The following NTNG2 variants were observed in gnomAD, a reference collection of about 807,000 sequenced individuals.
NTNG2 encodes the protein netrin G2, also known as netrin-G2.
Under a neutral mutation model 47.6 loss-of-function variants are expected in NTNG2, and 15 were observed. That is an observed-to-expected ratio of 0.32 (90% CI 0.21 to 0.49). The LOEUF is 0.49. Ranked by LOEUF, NTNG2 falls within the 20% of genes least tolerant of loss-of-function variation. The pLI is 0.99. For synonymous variants in NTNG2, 307 were observed against 324.6 expected (o/e 0.95, Z 0.58); for missense variants, 578 against 764.6 (o/e 0.76, Z 2.88).
In NTNG2 at chr9:132,171,784, T is replaced by C. The variant is rs555012026; in HGVS notation, c.213+4740T>C. Among the ~76,000 whole-genome samples, 13 of 152,320 alleles carry C rather than the reference T, an allele frequency of 8.5e-5. No individual in the cohort carries two copies. The South Asian group carries it at 1.0e-3, about 12-fold the overall frequency. On this transcript the variant is annotated intron_variant, in intron 2 of 7. Transcript: ENST00000393229. Reference sequence around the variant, plus strand: ...AGACACTCTGCCTCCTGCCAGACCTTGAGGATCATGAAATGTTTCCATCCA... The same window carrying C: ...AGACACTCTGCCTCCTGCCAGACCTCGAGGATCATGAAATGTTTCCATCCA...
chr9:132,200,709 G>C (rs1380458897), intron 3 of NTNG2, among the ~76,000 whole-genome samples: 1 of 152,224 alleles, frequency 6.6e-6, no homozygotes, highest in Non-Finnish European at 1.5e-5. Context: ...GCTGGAGTCA[G>C]CTTCAAGTCT....
At chr9:132,186,395 A>G (rs1837387239) in intron 2 of NTNG2, among the ~76,000 whole-genome samples, 1 of 152,218 alleles carries the variant, frequency 6.6e-6, no homozygotes. Flanking sequence ...CTTTAAGAAA[A>G]CAATAATACA....
intron 3 of NTNG2, among the ~76,000 whole-genome samples, chr9:132,205,528 T>C (rs1040656250): frequency 3.9e-5 from 6 of 152,178 alleles, no homozygotes; most frequent in African/African-American, 1.4e-4. Flanking sequence ...TGGAGAGGGA[T>C]GGTAACGGTG....
chr9:132,207,073 G>A (rs1839221636), intron 3 of NTNG2, among the ~76,000 whole-genome samples: 1 of 152,268 alleles, frequency 6.6e-6, no homozygotes, highest in Non-Finnish European at 1.5e-5. Flanking sequence ...GTCACGCACA[G>A]CAACGCCTTC....
At chr9:132,230,683 G>T in intron 5 of NTNG2, 88 bp downstream of exon 5, 2 of 1,396,758 alleles carry the variant, frequency 1.4e-6, no homozygotes, top group Non-Finnish European at 2.0e-6. Context: ...GAAAAAAGGG[G>T]CTTCAGTGTC....
rs1839891185 is a variant in NTNG2 at position 132,215,331 on chromosome 9, A to G, written c.858-11518A>G. Among the ~76,000 whole-genome samples, 1 of 152,018 alleles carries G rather than the reference A, an allele frequency of 6.6e-6. No individual in the cohort carries two copies. Among genetic ancestry groups the G allele is most frequent in the African/African-American group, 2.4e-5 (1 of 41,392 alleles). On this transcript the variant is annotated intron_variant, in intron 3 of 7. Coordinates refer to ENST00000393229, the MANE Select transcript of NTNG2 (RefSeq NM_032536.4). This position sits in a 1 kb window ranked among gnomAD's most constrained non-coding sequence, Gnocchi z 4.2. ...CATGGTGGCTTATACCTGTAATCCCAGCATTTTGGGAGGCCGAGGTGGGCG... is the reference window on the plus strand; with the variant it reads ...CATGGTGGCTTATACCTGTAATCCCGGCATTTTGGGAGGCCGAGGTGGGCG...
chr9:132,164,018 A>ACTCCTCACTCTCTGCGCTC (rs1835304781), intron 1 of NTNG2, among the ~76,000 whole-genome samples: 1 of 150,398 alleles, frequency 6.6e-6, no homozygotes, highest in Non-Finnish European at 1.5e-5. Context: ...TTCCCTGCCG[A>ACTCCTCACTCTCTGCGCTC]CTCCTCACTC....
rs556583978 is a variant in NTNG2, at chr9:132,215,081, G to C, written c.858-11768G>C. On this transcript the variant is annotated intron_variant, in intron 3 of 7. Transcript: ENST00000393229. This position sits in a 1 kb window ranked among gnomAD's most constrained non-coding sequence, Gnocchi z 4.2. ...TTTTAATTTTTTTGTAGAGATTGGG[G>C]GGGGGGGTCTCACTTTCTTGCCCAG... Among the ~76,000 whole-genome samples the C allele has an allele frequency of 4.4e-4, 65 of 149,208 alleles. No individual in the cohort carries two copies. Among genetic ancestry groups the C allele is most frequent in the Admixed American group, 1.3e-3 (19 of 14,976 alleles).
Position 132,189,991 on chromosome 9 carries a change from T to C in NTNG2, c.214-7975T>C, listed in dbSNP as rs186887840. 1.9e-3 allele frequency among the ~76,000 whole-genome samples: 271 copies of C among 144,334 alleles called. 4 individuals carry two copies. Among genetic ancestry groups the C allele is most frequent in the African/African-American group, 6.6e-3 (265 of 40,084 alleles). 94.7% of individuals were successfully genotyped at this position (144,334 alleles called of 152,430 possible). A position where few individuals can be genotyped will look rare whatever the true frequency, so the allele number is the denominator to read the frequency against. ...GTTTTAGCCTGTAATCCCAGCACTT[T>C]GGGAGGCCGAGGCGGGCGGCTCATG... On this transcript the variant is annotated intron_variant, in intron 2 of 7. Coordinates refer to ENST00000393229, the MANE Select transcript of NTNG2 (RefSeq NM_032536.4).
At chr9:132,230,693 C>T (rs1415479491) in intron 5 of NTNG2, 98 bp downstream of exon 5, 1 of 1,304,994 alleles carries the variant, frequency 7.7e-7, no homozygotes, top group Non-Finnish European at 1.1e-6. Flanking sequence ...GCTTCAGTGT[C>T]CCCTCTGGGA....
chr9:132,219,143 G>A (rs1283141487), intron 3 of NTNG2, among the ~76,000 whole-genome samples: 2 of 151,792 alleles, frequency 1.3e-5, no homozygotes, highest in Non-Finnish European at 2.9e-5. Flanking sequence ...CTTGAACCCA[G>A]GAGGCAGACA....
rs968026352 is a variant in NTNG2 at position 132,217,213 on chromosome 9, C to T, written c.858-9636C>T. 9.2e-5 allele frequency among the ~76,000 whole-genome samples: 14 copies of T among 152,350 alleles called. No homozygotes were observed. In the South Asian group the frequency reaches 2.3e-3, roughly 25 times the overall value. Reference sequence around the variant, plus strand: ...TTTAATAATGCATGGCGTCTGTCCACGTAGGAGCACTCAGCAAATTATTTC... The same window carrying T: ...TTTAATAATGCATGGCGTCTGTCCATGTAGGAGCACTCAGCAAATTATTTC... On this transcript the variant is annotated intron_variant, in intron 3 of 7. Coordinates refer to ENST00000393229, the MANE Select transcript of NTNG2 (RefSeq NM_032536.4).
chr9:132,186,637 C>T (rs1837406048), intron 2 of NTNG2, among the ~76,000 whole-genome samples: 1 of 152,220 alleles, frequency 6.6e-6, no homozygotes, highest in Admixed American at 6.5e-5. Context: ...CAGCCCAATG[C>T]CCTCAGGTCC....
chr9:132,169,893 A>G (rs577055953), intron 2 of NTNG2, among the ~76,000 whole-genome samples: 6 of 152,058 alleles, frequency 3.9e-5, no homozygotes, highest in Non-Finnish European at 7.4e-5. Flanking sequence ...CACGCCTTGT[A>G]TTGCTAGTCT....
intron 3 of NTNG2, among the ~76,000 whole-genome samples, chr9:132,203,781 C>G (rs1163212827): frequency 6.6e-6 from 1 of 152,190 alleles, no homozygotes; most frequent in Non-Finnish European, 1.5e-5. Context: ...ACAGCCCAGC[C>G]AGCTCTGCCC....
intron 3 of NTNG2, among the ~76,000 whole-genome samples, chr9:132,217,446 G>T (rs1289979201): frequency 6.6e-6 from 1 of 152,172 alleles, no homozygotes; most frequent in Admixed American, 6.5e-5. Flanking sequence ...CCCACTGCCT[G>T]CCCACTTCCT....
At chr9:132,184,472 G>T (rs542004100) in intron 2 of NTNG2, among the ~76,000 whole-genome samples, 1 of 152,338 alleles carries the variant, frequency 6.6e-6, no homozygotes, top group Admixed American at 6.5e-5. Context: ...CCTTGGGACT[G>T]GGGGGCAGTG....
chr9:132,197,568 G>A lies in NTNG2; in HGVS notation c.214-398G>A, dbSNP rs905632165. Among the ~76,000 whole-genome samples, 2 of 152,100 alleles carry A rather than the reference G, an allele frequency of 1.3e-5. No individual in the cohort carries two copies. The highest frequency in any genetic ancestry group is 4.8e-5 in the African/African-American group (2 of 41,386). On this transcript the variant is annotated intron_variant, in intron 2 of 7. Coordinates refer to ENST00000393229, the MANE Select transcript of NTNG2 (RefSeq NM_032536.4). The surrounding 1 kb of genome is among the most constrained non-coding windows in gnomAD (Gnocchi z 4.3). ...CAGAGGTACAACCAGGCAGGGGCAG[G>A]AGGACAGCTGTCCCGGGGAGGCCCA...
At chr9:132,173,136 G>T (rs985158620) in intron 2 of NTNG2, among the ~76,000 whole-genome samples, 3 of 152,164 alleles carry the variant, frequency 2.0e-5, no homozygotes, top group Non-Finnish European at 2.9e-5. Flanking sequence ...TTTGCGATTG[G>T]ATGAAGCCGG....
Sources: allele counts gnomAD v4.1 joint callset (sites outside exome capture counted in the v4.1 genomes callset), GRCh38; gene constraint gnomAD v4.1.1; non-coding constraint Gnocchi (gnomAD v3.1); transcripts MANE v1.5; gene names NCBI Gene and HGNC (gene_info 2026-07-23, HGNC 2026-07-21).